MANSC4: variants seen among roughly 807,000 people sequenced by gnomAD.
MANSC4 encodes MANSC domain-containing protein 4.
A neutral mutation model predicts 11.4 loss-of-function variants in MANSC4; 11 were observed. The observed-to-expected ratio is 0.97, with a 90% confidence interval of 0.61 to 1.60. The LOEUF (loss-of-function observed/expected upper bound fraction) is 1.60. MANSC4 is among the 40% of genes most tolerant of loss of function. The pLI is 0.00. For missense variants in MANSC4, 354 were observed against 404.6 expected (o/e 0.88, Z 1.07); for synonymous variants, 123 against 147.1 (o/e 0.84, Z 1.19).
chr12:27,775,087 A>C (rs775859116), intron 1 of MANSC4, among the ~76,000 whole-genome samples: 5 of 152,084 alleles, frequency 3.3e-5, no homozygotes, highest in Non-Finnish European at 7.4e-5. Flanking sequence ...TTTCCTTGTA[A>C]AGGTTAAAGC....
chr12:27,778,403 C>T (rs1197957181), intron 1 of MANSC4, among the ~76,000 whole-genome samples: 2 of 151,964 alleles, frequency 1.3e-5, no homozygotes, highest in African/African-American at 4.8e-5. Context: ...CATGTTTCAC[C>T]TTTGACTTTC....
intron 2 of MANSC4, among the ~76,000 whole-genome samples, chr12:27,768,421 AAG>A (rs1565477094): frequency 1.0e-5 from 1 of 100,390 alleles, no homozygotes; most frequent in African/African-American, 3.4e-5. Flanking sequence ...AAAAAAAAAA[AAG>A]AAAAAGAAAA....
At chr12:27,772,217 T>G (rs2062103791) in intron 1 of MANSC4, among the ~76,000 whole-genome samples, 1 of 152,236 alleles carries the variant, frequency 6.6e-6, no homozygotes. Flanking sequence ...TCCTGTGACA[T>G]CCAAGGTGAC....
Position 27,763,242 on chromosome 12 carries a change from A to C in MANSC4, c.519T>G (p.Ala173=). The change falls in exon 4 of 4, where the codon GCT becomes GCG. Residue 173 remains alanine, a synonymous_variant. Coordinates refer to ENST00000381273, the MANE Select transcript of MANSC4 (RefSeq NM_001146221.5). ...AATCTTGATGCGTGGTTGAGGATGG[A>C]GCCTCTGTGGATGGCAGCATACCAT... ...TINGMLPSTE[A]PSSTTHQDLV... 1 of 1,551,678 alleles carries C rather than the reference A, an allele frequency of 6.4e-7. No homozygotes were observed. Among genetic ancestry groups the C allele is most frequent in the Non-Finnish European group, 8.7e-7 (1 of 1,146,998 alleles).
At chr12:27,763,510 A>G in intron 3 of MANSC4, 114 bp from the exon 4 acceptor site, 1 of 903,650 alleles carries the variant, frequency 1.1e-6, no homozygotes. Flanking sequence ...GAACGAAGCT[A>G]AATTCACGTT....
At chr12:27,768,496 T>G (rs1384901652) in intron 2 of MANSC4, among the ~76,000 whole-genome samples, 1 of 152,092 alleles carries the variant, frequency 6.6e-6, no homozygotes, top group Non-Finnish European at 1.5e-5. Flanking sequence ...GAAAAAAGTT[T>G]CCTTAGTTCT....
intron 1 of MANSC4, among the ~76,000 whole-genome samples, chr12:27,778,750 T>C (rs2140807243): frequency 6.6e-6 from 1 of 152,264 alleles, no homozygotes; most frequent in African/African-American, 2.4e-5. Flanking sequence ...ATCCAAACAA[T>C]ATATTTCTCC....
chr12:27,779,455 A>G (rs945645469), intron 1 of MANSC4, among the ~76,000 whole-genome samples: 1 of 152,102 alleles, frequency 6.6e-6, no homozygotes, highest in Non-Finnish European at 1.5e-5. Context: ...CCAGTGGCAA[A>G]TGCAAGCTCC....
intron 3 of MANSC4, among the ~76,000 whole-genome samples, chr12:27,766,285 C>G (rs138817367): frequency 0.025 from 3,735 of 152,214 alleles, 135 homozygotes; most frequent in African/African-American, 0.085. Context: ...CCAGGATGTT[C>G]TCGATCTCTT....
Position 27,780,098 on chromosome 12 carries a change from G to A in MANSC4, c.-307+112C>T, listed in dbSNP as rs2062137978. The A allele has an allele frequency of 1.1e-5, 2 of 177,132 alleles. No homozygotes were observed. Among genetic ancestry groups the A allele is most frequent in the African/African-American group, 2.4e-5 (1 of 41,934 alleles). 11.0% of individuals were successfully genotyped at this position (177,132 alleles called of 1,614,324 possible). A position where few individuals can be genotyped will look rare whatever the true frequency, so the allele number is the denominator to read the frequency against. On this transcript the variant is annotated intron_variant, in intron 1 of 3. Coordinates refer to ENST00000381273, the MANE Select transcript of MANSC4 (RefSeq NM_001146221.5). This position sits in a 1 kb window ranked among gnomAD's most constrained non-coding sequence, Gnocchi z 8.8. ...GCGAGGACGCCCGCCGCGCTCCGCC[G>A]GCCCTTTTTTGGCGCTGAGGGAAAG...
chr12:27,769,107 A>G (rs2062088422), intron 2 of MANSC4, among the ~76,000 whole-genome samples: 1 of 152,136 alleles, frequency 6.6e-6, no homozygotes, highest in Non-Finnish European at 1.5e-5. Flanking sequence ...GCCGCACTCT[A>G]TTTTTCCAGG....
intron 1 of MANSC4, among the ~76,000 whole-genome samples, chr12:27,772,296 A>C (rs2062104045): frequency 6.6e-6 from 1 of 152,188 alleles, no homozygotes. Context: ...AGTGATAATC[A>C]GCTTTTGGCA....
chr12:27,775,023 CAAAATAAATAAA>C (rs1333754738), intron 1 of MANSC4, among the ~76,000 whole-genome samples: 3,458 of 132,894 alleles, frequency 0.026, 79 homozygotes, highest in African/African-American at 0.065. Flanking sequence ...GATTCCGTCT[CAAAATAAATAAA>C]TAAATAAATA....
chr12:27,779,707 C>G (rs1379357363), intron 1 of MANSC4: 1 of 152,376 alleles, frequency 6.6e-6, no homozygotes, highest in Non-Finnish European at 1.5e-5. Context: ...CCATCCTTCC[C>G]TTTCCTCCCA....
chr12:27,769,346 G>A (rs2062089624), intron 2 of MANSC4, among the ~76,000 whole-genome samples: 1 of 152,176 alleles, frequency 6.6e-6, no homozygotes. Context: ...CAGGATTGTG[G>A]CATTTTAAAG....
At chr12:27,769,972 ATAT>A (rs1042222904) in intron 2 of MANSC4, among the ~76,000 whole-genome samples, 123 of 152,322 alleles carry the variant, frequency 8.1e-4, no homozygotes, top group African/African-American at 2.9e-3. Flanking sequence ...GGTCTTGATC[ATAT>A]TATATGGATG....
chr12:27,771,300 G>A lies in MANSC4; in HGVS notation c.-24C>T, dbSNP rs755088324. 2.7e-5 allele frequency: 41 copies of A among 1,536,226 alleles called. No individual in the cohort carries two copies. Among genetic ancestry groups the A allele is most frequent in the Non-Finnish European group, 3.3e-5 (38 of 1,136,370 alleles). ...ATTTTTCCTGTATGAAGGAAGACTC[G>A]AAGATAAGTCTGATTTCCAGACAGA... On this transcript the variant is annotated 5_prime_UTR_variant, in exon 2 of 4. Coordinates refer to ENST00000381273, the MANE Select transcript of MANSC4 (RefSeq NM_001146221.5).
intron 2 of MANSC4, among the ~76,000 whole-genome samples, chr12:27,769,929 C>A (rs2062092766): frequency 6.6e-6 from 1 of 152,074 alleles, no homozygotes; most frequent in African/African-American, 2.4e-5. Context: ...AACTTGAAAT[C>A]CTGCAATAAT....
At chr12:27,766,935 A>G (rs757272497) in intron 2 of MANSC4, 136 bp from the exon 3 acceptor site, 2 of 892,420 alleles carry the variant, frequency 2.2e-6, no homozygotes, top group Non-Finnish European at 3.3e-6. Flanking sequence ...GACATTTTGC[A>G]GAATGTTTAT....
Sources: allele counts gnomAD v4.1 joint callset (sites outside exome capture counted in the v4.1 genomes callset), GRCh38; gene constraint gnomAD v4.1.1; non-coding constraint Gnocchi (gnomAD v3.1); transcripts MANE v1.5; gene names NCBI Gene and HGNC (gene_info 2026-07-23, HGNC 2026-07-21).